The following KIFAP3 variants were observed in gnomAD, a reference collection of about 807,000 sequenced individuals.
KIFAP3 encodes the protein kinesin-associated protein 3.
A neutral mutation model predicts 106.5 loss-of-function variants in KIFAP3; 68 were observed. That is an observed-to-expected ratio of 0.64 (90% CI 0.53 to 0.78). The LOEUF (loss-of-function observed/expected upper bound fraction) is 0.78. KIFAP3 is among the 30% of genes least tolerant of loss of function. The pLI is 0.00. For missense variants in KIFAP3, 780 were observed against 941.8 expected (o/e 0.83, Z 2.25); for synonymous variants, 320 against 311.5 (o/e 1.03, Z -0.29).
chr1:169,954,890 T>C (rs618149), intron 18 of KIFAP3, among the ~76,000 whole-genome samples: 142,383 of 152,246 alleles, frequency 0.94, 66,667 homozygotes, highest in East Asian at 0.99. Flanking sequence ...TTTGTTAAGA[T>C]ATTTTCCTGA....
intron 15 of KIFAP3, among the ~76,000 whole-genome samples, chr1:169,978,818 C>G (rs940618466): frequency 4.6e-5 from 7 of 151,974 alleles, no homozygotes; most frequent in Admixed American, 6.6e-5. Flanking sequence ...ATTTTAGAAA[C>G]AGAGTTTCAG....
At chr1:169,940,536 G>A (rs1483853575) in intron 19 of KIFAP3, among the ~76,000 whole-genome samples, 2 of 152,144 alleles carry the variant, frequency 1.3e-5, no homozygotes, top group African/African-American at 4.8e-5. Context: ...GCATTAGTTA[G>A]ATCCTCATAA....
At chr1:170,077,117 C>G (rs140920124), upstream of KIFAP3, among the ~76,000 whole-genome samples, 1 of 152,134 alleles carries the variant, frequency 6.6e-6, no homozygotes, top group Non-Finnish European at 1.5e-5. Flanking sequence ...GTAAACGCAC[C>G]AATCAGCACT....
rs138808690 is a variant in KIFAP3 at position 170,001,018 on chromosome 1, T to C, written c.1184-8763A>G. Among the ~76,000 whole-genome samples the C allele has an allele frequency of 6.0e-3, 914 of 152,168 alleles. 10 individuals carry two copies. Among genetic ancestry groups the C allele is most frequent in the African/African-American group, 0.021 (860 of 41,544 alleles). ...GTAAGCTAAACATTGTTTTTAGAGATAGTCACTAAATGAGTACTCTTATAT... is the reference window on the plus strand; with the variant it reads ...GTAAGCTAAACATTGTTTTTAGAGACAGTCACTAAATGAGTACTCTTATAT... On this transcript the variant is annotated intron_variant, in intron 10 of 19. Transcript: ENST00000361580.
chr1:169,943,167 A>G (rs1664235712), intron 19 of KIFAP3, among the ~76,000 whole-genome samples: 1 of 152,150 alleles, frequency 6.6e-6, no homozygotes, highest in Non-Finnish European at 1.5e-5. Flanking sequence ...CTCATATCTG[A>G]GGAGTAAGCT....
rs1669620001 is a variant in KIFAP3, at chr1:170,035,168, T to C, written c.617+286A>G. 2.0e-5 allele frequency among the ~76,000 whole-genome samples: 3 copies of C among 152,036 alleles called. No homozygotes were observed. The South Asian group carries it at 6.2e-4, about 32-fold the overall frequency. On this transcript the variant is annotated intron_variant, in intron 6 of 19. Coordinates refer to ENST00000361580, the MANE Select transcript of KIFAP3 (RefSeq NM_014970.4). The stretch of plus-strand genomic sequence containing the variant: ...TCAGGCTTTATTCTAAGTATTTTAA[T>C]TTTTAATTCATTTAATCCAAAAAAC...
At chr1:170,051,913 C>A (rs1039472673) in intron 2 of KIFAP3, among the ~76,000 whole-genome samples, 11 of 151,758 alleles carry the variant, frequency 7.2e-5, no homozygotes, top group Non-Finnish European at 1.6e-4. Context: ...AAACTGACAC[C>A]CTAACATCAA....
chr1:170,056,264 C>T (rs969672345), intron 1 of KIFAP3, among the ~76,000 whole-genome samples: 3 of 152,026 alleles, frequency 2.0e-5, no homozygotes, highest in African/African-American at 7.2e-5. Context: ...TGAATCACAC[C>T]CAAATTACAT....
intron 17 of KIFAP3, among the ~76,000 whole-genome samples, chr1:169,965,897 C>T (rs967338704): frequency 6.6e-6 from 1 of 151,922 alleles, no homozygotes; most frequent in African/African-American, 2.4e-5. Flanking sequence ...TAAAACTGAT[C>T]TTCCAAGGCA....
chr1:169,929,729 T>C (rs1224781054), intron 19 of KIFAP3, among the ~76,000 whole-genome samples: 1 of 152,114 alleles, frequency 6.6e-6, no homozygotes, highest in African/African-American at 2.4e-5. Context: ...TCTTAAAGAA[T>C]CTTATTCTTA....
At chr1:170,021,989 G>A (rs867944667) in intron 9 of KIFAP3, among the ~76,000 whole-genome samples, 19 of 107,952 alleles carry the variant, frequency 1.8e-4, no homozygotes, top group Middle Eastern at 8.8e-3. Flanking sequence ...TTGCTCTGTC[G>A]CCCAGGCTGG....
At position 170,084,718 on chromosome 1, in the gene KIFAP3, C is replaced by T. The variant is rs61707862; in HGVS notation, n.174+317G>A. Among the ~76,000 whole-genome samples the T allele has an allele frequency of 1.1e-4, 16 of 152,046 alleles. No homozygotes were observed. The East Asian group carries it at 3.1e-3, about 29-fold the overall frequency. On this transcript the variant is annotated intron_variant and non_coding_transcript_variant, in intron 1 of 5. Coordinates refer to the KIFAP3 transcript ENST00000490550. Reference sequence around the variant, plus strand: ...TTAAGTAACTGTATGTAGTTTGAGACAGAATTAGTTTTGGGTGGAATGGCA... The same window carrying T: ...TTAAGTAACTGTATGTAGTTTGAGATAGAATTAGTTTTGGGTGGAATGGCA...
chr1:170,034,585 T>C (rs1210598317), intron 6 of KIFAP3, 89 bp from the exon 7 acceptor site: 2 of 589,112 alleles, frequency 3.4e-6, no homozygotes, highest in Middle Eastern at 4.8e-4. Context: ...GTACGAACCA[T>C]GTAGAAAATA....
chr1:169,932,731 T>C (rs1444044880), intron 19 of KIFAP3, among the ~76,000 whole-genome samples: 2 of 149,542 alleles, frequency 1.3e-5, no homozygotes, highest in Admixed American at 6.7e-5. Flanking sequence ...TTTTTTTTGT[T>C]AAAACTCATG....
intron 10 of KIFAP3, among the ~76,000 whole-genome samples, chr1:170,005,601 G>T (rs1361411013): frequency 6.7e-6 from 1 of 149,404 alleles, no homozygotes; most frequent in African/African-American, 2.5e-5. Flanking sequence ...CCAAACTATC[G>T]CAAGTACAAA....
chr1:169,977,334 C>T (rs1045324715), intron 16 of KIFAP3, among the ~76,000 whole-genome samples: 1 of 152,028 alleles, frequency 6.6e-6, no homozygotes, highest in South Asian at 2.1e-4. Flanking sequence ...TATTGAGTAC[C>T]CTTTGGATGC....
At chr1:170,032,167 T>A (rs1398346354) in intron 7 of KIFAP3, 183 bp from the exon 8 acceptor site, 4 of 490,638 alleles carry the variant, frequency 8.2e-6, no homozygotes, top group African/African-American at 7.8e-5. Context: ...CTTATTTAAG[T>A]GCTCATGGAT....
chr1:169,930,914 C>CT (rs151201224), intron 19 of KIFAP3, among the ~76,000 whole-genome samples: 28 of 100,340 alleles, frequency 2.8e-4, no homozygotes, highest in Non-Finnish European at 3.9e-4. Flanking sequence ...ATTATTACTT[C>CT]TTTTTTTTTT....
intron 1 of KIFAP3, among the ~76,000 whole-genome samples, chr1:170,062,880 C>T (rs1557874647): frequency 6.7e-6 from 1 of 149,084 alleles, no homozygotes; most frequent in Non-Finnish European, 1.5e-5. Context: ...TATTTATAGT[C>T]TTTTTTTTTT....
Sources: allele counts gnomAD v4.1 joint callset (sites outside exome capture counted in the v4.1 genomes callset), GRCh38; gene constraint gnomAD v4.1.1; transcripts MANE v1.5; gene names NCBI Gene and HGNC (gene_info 2026-07-23, HGNC 2026-07-21).